The following SDC1 variants were observed in gnomAD, a reference collection of about 807,000 sequenced individuals.
SDC1 encodes the protein syndecan 1.
Under a neutral mutation model 29.7 loss-of-function variants are expected in SDC1, and 14 were observed. The ratio of observed to expected loss-of-function variants is 0.47; its 90% CI spans 0.31 to 0.74. The LOEUF (loss-of-function observed/expected upper bound fraction) is 0.74. Among genes scored for constraint, SDC1 ranks in the 30% least tolerant of loss-of-function variants. The pLI, the probability that SDC1 is intolerant of heterozygous loss-of-function variation, is 0.05. For missense variants in SDC1, 406 were observed against 400.3 expected (o/e 1.01, Z -0.12); for synonymous variants, 204 against 175.5 (o/e 1.16, Z -1.29).
At chr2:20,205,525 G>A in intron 1 of SDC1, 101 bp from the exon 2 acceptor site, 1 of 909,136 alleles carries the variant, frequency 1.1e-6, no homozygotes, top group Non-Finnish European at 1.8e-6. Flanking sequence ...CCTACCCTGT[G>A]CTGCACAGGT....
chr2:20,218,227 C>T (rs1203902207), intron 1 of SDC1, among the ~76,000 whole-genome samples: 1 of 152,222 alleles, frequency 6.6e-6, no homozygotes, highest in East Asian at 1.9e-4. Context: ...AGTCGGGGCT[C>T]AGCTGAACCA....
Position 20,224,719 on chromosome 2 carries a change from C to A in SDC1, c.66+83G>T. On this transcript the variant is annotated intron_variant, in intron 1 of 4. Transcript: ENST00000254351. This position sits in a 1 kb window ranked among gnomAD's most constrained non-coding sequence, Gnocchi z 4.9. Reference sequence around the variant, plus strand: ...AAGGGAAGTCTTCGCTCCCCCTCCCCCTCCACGTGCACCCGCCGGCATCCG... The same window carrying A: ...AAGGGAAGTCTTCGCTCCCCCTCCCACTCCACGTGCACCCGCCGGCATCCG... 8.2e-7 allele frequency: 1 copy of A among 1,224,720 alleles called. No individual in the cohort carries two copies. Among genetic ancestry groups the A allele is most frequent in the Non-Finnish European group, 1.0e-6 (1 of 978,428 alleles). The allele number at this position is 1,224,720 out of a possible 1,614,324, so 75.9% of individuals were successfully genotyped here.
intron 1 of SDC1, among the ~76,000 whole-genome samples, chr2:20,214,470 G>A (rs1320050217): frequency 6.6e-6 from 1 of 152,194 alleles, no homozygotes; most frequent in Non-Finnish European, 1.5e-5. Flanking sequence ...CACCTGGGAA[G>A]CCAGGTGGAT....
chr2:20,203,094 C>T lies in SDC1; in HGVS notation c.756G>A (p.Val252=). ...CCCTGAAAGAAAACTCACCTCCCAG[C>T]ACCTCTTTCCTGTCCAGGAGGCCCT... is the stretch of plus-strand genomic sequence containing the variant. ...ASQGLLDRKE[V]LGGVIAGGLV... is the part of the protein sequence containing the mutation. Residue 252 remains valine (V), a synonymous_variant, in exon 4 of 5, where the codon GTG becomes GTA. Transcript: ENST00000254351. The T allele has an allele frequency of 1.2e-6, 2 of 1,601,996 alleles. No individual in the cohort carries two copies.
chr2:20,208,896 C>T (rs926842064), intron 1 of SDC1, among the ~76,000 whole-genome samples: 1 of 152,224 alleles, frequency 6.6e-6, no homozygotes, highest in Non-Finnish European at 1.5e-5. Context: ...AAGATCTAGG[C>T]TTCCACTCAT....
chr2:20,219,886 C>T (rs1462958639), intron 1 of SDC1, among the ~76,000 whole-genome samples: 2 of 152,202 alleles, frequency 1.3e-5, no homozygotes, highest in Non-Finnish European at 2.9e-5. Context: ...GCACCAGAGC[C>T]AGGAGTCCTG....
intron 1 of SDC1, among the ~76,000 whole-genome samples, chr2:20,208,320 C>T (rs768201579): frequency 2.0e-5 from 3 of 152,256 alleles, no homozygotes; most frequent in African/African-American, 4.8e-5. Flanking sequence ...TCCCTCAGTT[C>T]GGCTGGCTTA....
At chr2:20,214,880 A>G (rs1677582784) in intron 1 of SDC1, among the ~76,000 whole-genome samples, 1 of 152,198 alleles carries the variant, frequency 6.6e-6, no homozygotes, top group African/African-American at 2.4e-5. Flanking sequence ...GCTGGCAATC[A>G]GTTTTTTCCA....
At chr2:20,207,701 G>A (rs1000024390) in intron 1 of SDC1, among the ~76,000 whole-genome samples, 28 of 152,122 alleles carry the variant, frequency 1.8e-4, no homozygotes, top group Non-Finnish European at 1.0e-4. Flanking sequence ...GCAAGACTCC[G>A]TCTCAATCAA....
At chr2:20,214,084 C>T (rs1677559100) in intron 1 of SDC1, among the ~76,000 whole-genome samples, 1 of 152,172 alleles carries the variant, frequency 6.6e-6, no homozygotes, top group Non-Finnish European at 1.5e-5. Context: ...TAGGTGGGAG[C>T]TCTGGGAGAG....
intron 1 of SDC1, among the ~76,000 whole-genome samples, chr2:20,222,272 G>A (rs545650654): frequency 2.6e-5 from 4 of 152,274 alleles, no homozygotes; most frequent in African/African-American, 4.8e-5. Flanking sequence ...ACTGGGGCCA[G>A]AGTGAACTTT....
intron 1 of SDC1, among the ~76,000 whole-genome samples, chr2:20,217,185 C>T (rs908705081): frequency 2.6e-5 from 4 of 152,216 alleles, no homozygotes; most frequent in African/African-American, 7.2e-5. Context: ...GGACAAAACC[C>T]TTCCTGTGGG....
At chr2:20,203,283 C>G (rs1677106335) in intron 3 of SDC1, 61 bp from the exon 4 acceptor site, 20 of 1,549,542 alleles carry the variant, frequency 1.3e-5, no homozygotes, top group Non-Finnish European at 1.7e-5. Context: ...GCAACCAGCT[C>G]CACTACAAGA....
At chr2:20,221,115 G>A (rs1396570918) in intron 1 of SDC1, among the ~76,000 whole-genome samples, 2 of 152,144 alleles carry the variant, frequency 1.3e-5, no homozygotes. Flanking sequence ...GGTGCAGGGA[G>A]GTAGAGGGGA....
intron 1 of SDC1, chr2:20,208,025 C>T: frequency 1.0e-6 from 1 of 985,448 alleles, no homozygotes; most frequent in Non-Finnish European, 1.2e-6. Context: ...AGGGATGGGG[C>T]AAGGCACTGG....
rs1003094393 is a variant in SDC1 at position 20,224,647 on chromosome 2, G to A, written c.66+155C>T. Among the ~76,000 whole-genome samples, 1 of 151,668 alleles carries A rather than the reference G, an allele frequency of 6.6e-6. No homozygotes were observed. The highest frequency in any genetic ancestry group is 2.4e-5 in the African/African-American group (1 of 41,310). On this transcript the variant is annotated intron_variant, in intron 1 of 4. Coordinates refer to ENST00000254351, the MANE Select transcript of SDC1 (RefSeq NM_002997.5). This position sits in a 1 kb window ranked among gnomAD's most constrained non-coding sequence, Gnocchi z 4.9. ...CGGAGGAAATTGGGGCTGGAGCCCT[G>A]GTCTCGGGGCTCACCGTCCCGGGAC...
Position 20,200,847 on chromosome 2 carries a change from C to T in SDC1, c.*1919G>A, listed in dbSNP as rs1164953029. The T allele has an allele frequency of 6.6e-6, 1 of 152,288 alleles. No individual in the cohort carries two copies. Among genetic ancestry groups the T allele is most frequent in the Non-Finnish European group, 1.5e-5 (1 of 68,084 alleles). 9.4% of individuals were successfully genotyped at this position (152,288 alleles called of 1,614,324 possible). A position where few individuals can be genotyped will look rare whatever the true frequency, so the allele number is the denominator to read the frequency against. On this transcript the variant is annotated 3_prime_UTR_variant, in exon 5 of 5. Transcript: ENST00000254351. Reference sequence around the variant, plus strand: ...ATTGTCGTTACACAAATGAACCCAGCCTCTGGCTTGGGCACCGTCCCACGG... The same window carrying T: ...ATTGTCGTTACACAAATGAACCCAGTCTCTGGCTTGGGCACCGTCCCACGG...
chr2:20,217,582 C>T (rs1253429210), intron 1 of SDC1, among the ~76,000 whole-genome samples: 4 of 152,154 alleles, frequency 2.6e-5, no homozygotes, highest in Non-Finnish European at 4.4e-5. Context: ...CACAGTCACT[C>T]GAGAGAGAGG....
chr2:20,212,088 A>G lies in SDC1; in HGVS notation c.67-6664T>C, dbSNP rs1244176360. Among the ~76,000 whole-genome samples, 4 of 133,482 alleles carry G rather than the reference A, an allele frequency of 3.0e-5. No individual in the cohort carries two copies. In the East Asian group the frequency reaches 8.0e-4, roughly 27 times the overall value. 87.6% of individuals were successfully genotyped at this position (133,482 alleles called of 152,430 possible). On this transcript the variant is annotated intron_variant, in intron 1 of 4. Transcript: ENST00000254351. ...ATAACGCTAAAGTGCTTTACGGCTGACAGGCTGGCCCCGCGGCTTTAGCAC... is the reference window on the plus strand; with the variant it reads ...ATAACGCTAAAGTGCTTTACGGCTGGCAGGCTGGCCCCGCGGCTTTAGCAC...
Sources: gnomAD v4.1 joint callset for allele counts (sites outside exome capture counted in the v4.1 genomes callset) on GRCh38, gnomAD v4.1.1 for gene constraint, Gnocchi (gnomAD v3.1) non-coding constraint, MANE v1.5 for transcripts, NCBI Gene and HGNC (gene_info 2026-07-23, HGNC 2026-07-21) for gene names.